The following GPR137C variants were observed in gnomAD, a reference collection of about 807,000 sequenced individuals.
GPR137C encodes G protein-coupled receptor 137C, also known as integral membrane protein GPR137C.
GPR137C carries 27 observed loss-of-function variants against 43.4 expected under a neutral mutation model. That is an observed-to-expected ratio of 0.62 (90% CI 0.46 to 0.86). GPR137C has a LOEUF of 0.86. GPR137C is among the 40% of genes least tolerant of loss of function. The pLI is 0.00. For missense variants in GPR137C, 522 were observed against 534.6 expected (o/e 0.98, Z 0.23); for synonymous variants, 285 against 226.9 (o/e 1.26, Z -2.30).
At chr14:52,577,515 C>T (rs562802711) in intron 1 of GPR137C, among the ~76,000 whole-genome samples, 11 of 103,966 alleles carry the variant, frequency 1.1e-4, no homozygotes, top group East Asian at 5.0e-4. Flanking sequence ...TGCGCGCGCG[C>T]GCACACACAC....
intron 1 of GPR137C, among the ~76,000 whole-genome samples, chr14:52,568,833 G>A (rs2038416153): frequency 2.0e-5 from 3 of 152,234 alleles, no homozygotes; most frequent in African/African-American, 7.2e-5. Context: ...CCCTGGGACA[G>A]GGCACCTGGG....
At chr14:52,609,628 G>T (rs2139546229) in intron 3 of GPR137C, among the ~76,000 whole-genome samples, 1 of 152,336 alleles carries the variant, frequency 6.6e-6, no homozygotes, top group East Asian at 1.9e-4. Context: ...TCTCAGCACT[G>T]GAGGACGCTC....
At chr14:52,587,957 A>G (rs1435470203) in intron 1 of GPR137C, among the ~76,000 whole-genome samples, 4 of 152,192 alleles carry the variant, frequency 2.6e-5, no homozygotes, top group Non-Finnish European at 4.4e-5. Flanking sequence ...CTCCATCATA[A>G]TAATTTATTC....
At chr14:52,565,002 A>G (rs1399543249) in intron 1 of GPR137C, among the ~76,000 whole-genome samples, 1 of 152,122 alleles carries the variant, frequency 6.6e-6, no homozygotes, top group African/African-American at 2.4e-5. Context: ...GAATGCTACA[A>G]CCTCGGAGAG....
rs115445031 is a variant in GPR137C, at chr14:52,636,754, A to C, written c.*1639A>C. On this transcript the variant is annotated 3_prime_UTR_variant, in exon 7 of 7. Transcript: ENST00000321662. ...AATGACTTTGTATTCAATCAGAAGCATATACTTATGTTATTTTGGGTTTGT... is the reference window on the plus strand; with the variant it reads ...AATGACTTTGTATTCAATCAGAAGCCTATACTTATGTTATTTTGGGTTTGT... The C allele has an allele frequency of 4.5e-3, 682 of 152,286 alleles. 5 individuals are homozygous for C. Among genetic ancestry groups the C allele is most frequent in the African/African-American group, 0.015 (643 of 41,578 alleles). The allele number at this position is 152,286 out of a possible 1,614,324, so 9.4% of individuals were successfully genotyped here.
Position 52,629,887 on chromosome 14 carries a change from G to A in GPR137C, c.718-2273G>A, listed in dbSNP as rs140462959. Among the ~76,000 whole-genome samples, 668 of 152,280 alleles carry A rather than the reference G, an allele frequency of 4.4e-3. 3 individuals carry two copies. Among genetic ancestry groups the A allele is most frequent in the African/African-American group, 0.016 (646 of 41,542 alleles). Reference sequence around the variant, plus strand: ...ATACTGAGGTGTTTAGGAGTGAGGTGTAACTCTTTTTCACTTATCAAGTGT... The same window carrying A: ...ATACTGAGGTGTTTAGGAGTGAGGTATAACTCTTTTTCACTTATCAAGTGT... On this transcript the variant is annotated intron_variant, in intron 3 of 6. Transcript: ENST00000321662.
Position 52,635,208 on chromosome 14 carries a change from G to A in GPR137C, c.*93G>A. On this transcript the variant is annotated 3_prime_UTR_variant, in exon 7 of 7. Coordinates refer to ENST00000321662, the MANE Select transcript of GPR137C (RefSeq NM_001099652.2). ...CATCTACATAAACATTCCATTATCT[G>A]TTGCAACTGAAAACAAAATCTGGAA... The A allele has an allele frequency of 9.2e-7, 1 of 1,087,026 alleles. No homozygotes were observed. The highest frequency in any genetic ancestry group is 1.3e-6 in the Non-Finnish European group (1 of 790,328). 67.3% of individuals were successfully genotyped at this position (1,087,026 alleles called of 1,614,324 possible).
At chr14:52,603,747 CGGGCT>C (rs2038953577) in intron 3 of GPR137C, among the ~76,000 whole-genome samples, 1 of 151,998 alleles carries the variant, frequency 6.6e-6, no homozygotes, top group South Asian at 2.1e-4. Context: ...CCATGTTGGC[CGGGCT>C]GGTCTCAACC....
At chr14:52,610,214 T>G (rs1175969671) in intron 3 of GPR137C, among the ~76,000 whole-genome samples, 1 of 152,238 alleles carries the variant, frequency 6.6e-6, no homozygotes, top group Non-Finnish European at 1.5e-5. Context: ...AATTATTTAT[T>G]CATTTATTTT....
chr14:52,598,180 T>C, intron 1 of GPR137C, 92 bp from the exon 2 acceptor site: 3 of 490,856 alleles, frequency 6.1e-6, no homozygotes, highest in East Asian at 3.4e-5. Flanking sequence ...ATGTTATTTA[T>C]AGTGGTAGCA....
chr14:52,600,352 T>A lies in GPR137C; in HGVS notation c.717+11T>A. 6.9e-7 allele frequency: 1 copy of A among 1,452,666 alleles called. No homozygotes were observed. Among genetic ancestry groups the A allele is most frequent in the East Asian group, 2.3e-5 (1 of 43,112 alleles). 90.0% of individuals were successfully genotyped at this position (1,452,666 alleles called of 1,614,324 possible). ...TACCTCGAATCAAAGGTAAGAATATTTCTTAAATTGGCACTTGAAAATCTA... is the reference window on the plus strand; with the variant it reads ...TACCTCGAATCAAAGGTAAGAATATATCTTAAATTGGCACTTGAAAATCTA... On this transcript the variant is annotated intron_variant, in intron 3 of 6. Transcript: ENST00000321662.
chr14:52,574,069 A>G (rs868775627), intron 1 of GPR137C, among the ~76,000 whole-genome samples: 3 of 152,194 alleles, frequency 2.0e-5, no homozygotes, highest in Admixed American at 6.5e-5. Context: ...TCAGGAAACA[A>G]CAGATGCTGG....
intron 1 of GPR137C, among the ~76,000 whole-genome samples, chr14:52,561,320 TAC>T (rs1351933026): frequency 6.6e-6 from 1 of 152,154 alleles, no homozygotes; most frequent in Non-Finnish European, 1.5e-5. Context: ...ATCTAGCTGT[TAC>T]AGAAGCCAGG....
chr14:52,562,676 G>C (rs2038304278), intron 1 of GPR137C, among the ~76,000 whole-genome samples: 1 of 152,100 alleles, frequency 6.6e-6, no homozygotes, highest in South Asian at 2.1e-4. Context: ...GGTAAAGGAA[G>C]AAATTCCAAT....
At chr14:52,556,482 A>T (rs1473998092) in intron 1 of GPR137C, among the ~76,000 whole-genome samples, 2 of 150,290 alleles carry the variant, frequency 1.3e-5, no homozygotes, top group African/African-American at 4.9e-5. Context: ...TCAGTGTCTC[A>T]TACTTAACCT....
At position 52,612,147 on chromosome 14, in the gene GPR137C, T is replaced by G. The variant is rs554393488; in HGVS notation, c.717+11806T>G. 8 of 983,604 alleles carry G rather than the reference T, an allele frequency of 8.1e-6. No homozygotes were observed. The East Asian group carries it at 7.9e-4, about 98-fold the overall frequency. 60.9% of individuals were successfully genotyped at this position (983,604 alleles called of 1,614,324 possible). A position where few individuals can be genotyped will look rare whatever the true frequency, so the allele number is the denominator to read the frequency against. ...ATCCTTACTAAAAATGTATTTTTTCTGATTATTAAAACTTGGCAATATGAA... is the reference window on the plus strand; with the variant it reads ...ATCCTTACTAAAAATGTATTTTTTCGGATTATTAAAACTTGGCAATATGAA... On this transcript the variant is annotated intron_variant, in intron 3 of 6. Coordinates refer to ENST00000321662, the MANE Select transcript of GPR137C (RefSeq NM_001099652.2).
intron 3 of GPR137C, among the ~76,000 whole-genome samples, chr14:52,603,759 A>G (rs996237352): frequency 6.6e-6 from 1 of 151,852 alleles, no homozygotes; most frequent in Non-Finnish European, 1.5e-5. Context: ...GGCTGGTCTC[A>G]ACCTCCTGAC....
intron 3 of GPR137C, among the ~76,000 whole-genome samples, chr14:52,624,234 G>C (rs192587525): frequency 2.3e-4 from 33 of 146,044 alleles, no homozygotes; most frequent in Middle Eastern, 3.6e-3. Flanking sequence ...AAAAAAGAAA[G>C]AACAAGGGAC....
chr14:52,630,336 A>G (rs918101301), intron 3 of GPR137C, among the ~76,000 whole-genome samples: 2 of 152,018 alleles, frequency 1.3e-5, no homozygotes, highest in African/African-American at 2.4e-5. Flanking sequence ...TTTTGCAGTT[A>G]TTTTTGAGGA....
Sources: gnomAD v4.1 joint callset for allele counts (sites outside exome capture counted in the v4.1 genomes callset) on GRCh38, gnomAD v4.1.1 for gene constraint, MANE v1.5 for transcripts, NCBI Gene and HGNC (gene_info 2026-07-23, HGNC 2026-07-21) for gene names.